NRG3: variants seen among roughly 807,000 people sequenced by gnomAD.
NRG3 encodes neuregulin 3, also known as pro-neuregulin-3, membrane-bound isoform.
A neutral mutation model predicts 66.9 loss-of-function variants in NRG3; 31 were observed. The observed-to-expected ratio is 0.46, with a 90% CI of 0.35 to 0.63. The LOEUF is 0.63. Among genes scored for constraint, NRG3 ranks in the 20% least tolerant of loss-of-function variants. The pLI is 0.00. For missense variants in NRG3, 910 were observed against 878.9 expected (o/e 1.04, Z -0.45); for synonymous variants, 393 against 359.4 (o/e 1.09, Z -1.06).
intron 2 of NRG3, among the ~76,000 whole-genome samples, chr10:82,447,017 A>G (rs1231769154): frequency 6.6e-6 from 1 of 152,240 alleles, no homozygotes; most frequent in East Asian, 1.9e-4. Flanking sequence ...AAAATGGATC[A>G]AGAGGAGACA....
At chr10:82,291,810 A>T (rs2079765353) in intron 1 of NRG3, among the ~76,000 whole-genome samples, 1 of 152,156 alleles carries the variant, frequency 6.6e-6, no homozygotes, top group African/African-American at 2.4e-5. Context: ...TAAACCTCAC[A>T]CCTTATATAA....
intron 1 of NRG3, among the ~76,000 whole-genome samples, chr10:81,940,232 T>C (rs530662938): frequency 1.2e-4 from 18 of 152,148 alleles, no homozygotes; most frequent in Non-Finnish European, 2.2e-4. Context: ...GAGAAGAATG[T>C]GTATTCTGCT....
chr10:82,339,432 C>T (rs1041715253), intron 1 of NRG3, among the ~76,000 whole-genome samples: 3 of 152,078 alleles, frequency 2.0e-5, no homozygotes, highest in Admixed American at 6.5e-5. Context: ...TGAGGGCCAG[C>T]AGAAGAAACG....
intron 1 of NRG3, among the ~76,000 whole-genome samples, chr10:81,996,147 A>G (rs1191475252): frequency 6.6e-6 from 1 of 152,240 alleles, no homozygotes; most frequent in Non-Finnish European, 1.5e-5. Context: ...GTTAGCTCAT[A>G]TGTGACAAAT....
rs369768879 is a variant in NRG3, at chr10:82,715,129, T to C, written c.954-23448T>C. Among the ~76,000 whole-genome samples the C allele has an allele frequency of 3.2e-4, 48 of 152,234 alleles. No individual in the cohort carries two copies. The South Asian group carries it at 7.7e-3, about 24-fold the overall frequency. On this transcript the variant is annotated intron_variant, in intron 2 of 8. Coordinates refer to ENST00000372141, the MANE Select transcript of NRG3 (RefSeq NM_001010848.4). ...CTTGGGTGTGGCTGGGCGTGGTGGC[T>C]CATACCTGTAATCCCAGCAATTTGG...
At chr10:82,519,810 A>G (rs1293710253) in intron 2 of NRG3, among the ~76,000 whole-genome samples, 1 of 152,156 alleles carries the variant, frequency 6.6e-6, no homozygotes, top group Non-Finnish European at 1.5e-5. Flanking sequence ...GGTAAGACGC[A>G]ACCAAACTGG....
intron 3 of NRG3, among the ~76,000 whole-genome samples, chr10:82,853,075 C>G (rs1306898952): frequency 1.3e-5 from 2 of 152,084 alleles, no homozygotes; most frequent in African/African-American, 4.8e-5. Context: ...TTCCTCCAAC[C>G]CACTGTAGGT....
rs200188874 is a variant in NRG3 at position 82,377,122 on chromosome 10, G to C, written c.953+18254G>C. Reference sequence around the variant, plus strand: ...TATTTTTTATATTCTTTATTTGGCTGTAATGTGAATTTAAATTTTACTTTT... The same window carrying C: ...TATTTTTTATATTCTTTATTTGGCTCTAATGTGAATTTAAATTTTACTTTT... On this transcript the variant is annotated intron_variant, in intron 2 of 8. Coordinates refer to ENST00000372141, the MANE Select transcript of NRG3 (RefSeq NM_001010848.4). Among the ~76,000 whole-genome samples, 3 of 152,110 alleles carry C rather than the reference G, an allele frequency of 2.0e-5. No homozygotes were observed. The East Asian group carries it at 5.8e-4, about 29-fold the overall frequency.
At chr10:82,295,180 AT>A (rs1159662270) in intron 1 of NRG3, among the ~76,000 whole-genome samples, 11 of 152,184 alleles carry the variant, frequency 7.2e-5, no homozygotes, top group Admixed American at 6.5e-4. Context: ...TCCCTCCCAA[AT>A]TTATAACAGT....
At chr10:82,399,888 G>A (rs372923984) in intron 2 of NRG3, among the ~76,000 whole-genome samples, 58 of 152,202 alleles carry the variant, frequency 3.8e-4, no homozygotes, top group African/African-American at 1.3e-3. Flanking sequence ...TTTAGCATTT[G>A]GAAATATATA....
chr10:81,919,669 A>C (rs374266366), intron 1 of NRG3, among the ~76,000 whole-genome samples: 15 of 152,166 alleles, frequency 9.9e-5, no homozygotes, highest in African/African-American at 3.6e-4. Flanking sequence ...AGGTTCCCCC[A>C]AAAATTATTG....
intron 1 of NRG3, among the ~76,000 whole-genome samples, chr10:82,053,559 A>T (rs2063698764): frequency 6.6e-6 from 1 of 152,196 alleles, no homozygotes; most frequent in Non-Finnish European, 1.5e-5. Context: ...TGCACTGGGC[A>T]TTGGGAAATG....
chr10:82,649,459 C>CTTTTTTTTTTTT (rs71469930), intron 2 of NRG3, among the ~76,000 whole-genome samples: 1 of 48,794 alleles, frequency 2.0e-5, no homozygotes, highest in African/African-American at 6.3e-5. Context: ...CTGGTGCAGG[C>CTTTTTTTTTTTT]TTTTTTTTTT....
chr10:82,096,246 G>A (rs1204307781), intron 1 of NRG3, among the ~76,000 whole-genome samples: 2 of 152,148 alleles, frequency 1.3e-5, no homozygotes, highest in African/African-American at 4.8e-5. Context: ...GGAGGCTGAG[G>A]TGGGCAGATC....
At chr10:82,287,150 G>T (rs189755650) in intron 1 of NRG3, among the ~76,000 whole-genome samples, 5 of 152,184 alleles carry the variant, frequency 3.3e-5, no homozygotes, top group African/African-American at 4.8e-5. Flanking sequence ...TCCCAGTATT[G>T]GAGGTGGGGC....
At chr10:82,935,100 A>G (rs1847929510) in intron 4 of NRG3, among the ~76,000 whole-genome samples, 1 of 152,180 alleles carries the variant, frequency 6.6e-6, no homozygotes, top group Admixed American at 6.5e-5. Flanking sequence ...TGAATACATC[A>G]ATATATTTGC....
intron 5 of NRG3, among the ~76,000 whole-genome samples, chr10:82,954,452 T>C (rs992641374): frequency 3.3e-5 from 5 of 151,726 alleles, no homozygotes; most frequent in Admixed American, 2.6e-4. Flanking sequence ...CAACATCAGA[T>C]TCATTAGGGT....
At chr10:82,687,481 A>G (rs764420813) in intron 2 of NRG3, among the ~76,000 whole-genome samples, 7 of 152,210 alleles carry the variant, frequency 4.6e-5, no homozygotes, top group Non-Finnish European at 1.0e-4. Context: ...TAAACTGCAG[A>G]TAATACAGAT....
chr10:82,290,235 C>T (rs558053733), intron 1 of NRG3, among the ~76,000 whole-genome samples: 1 of 152,268 alleles, frequency 6.6e-6, no homozygotes, highest in Admixed American at 6.5e-5. Flanking sequence ...CAGCCTGAAG[C>T]CTCACTGTTA....
Sources: allele counts gnomAD v4.1 joint callset (sites outside exome capture counted in the v4.1 genomes callset), GRCh38; gene constraint gnomAD v4.1.1; transcripts MANE v1.5; gene names NCBI Gene and HGNC (gene_info 2026-07-23, HGNC 2026-07-21).